PTPRK: variants seen among roughly 807,000 people sequenced by gnomAD.
The protein encoded by PTPRK is protein tyrosine phosphatase receptor type K, also known as receptor-type tyrosine-protein phosphatase kappa.
Under a neutral mutation model 178.0 loss-of-function variants are expected in PTPRK, and 75 were observed. The observed-to-expected ratio is 0.42, with a 90% confidence interval of 0.35 to 0.51. PTPRK has a LOEUF of 0.51. PTPRK is among the 20% of genes least tolerant of loss of function. The pLI is 0.02. For synonymous variants in PTPRK, 637 were observed against 620.6 expected (o/e 1.03, Z -0.39); for missense variants, 1,441 against 1,797.8 (o/e 0.80, Z 3.59).
intron 1 of PTPRK, among the ~76,000 whole-genome samples, chr6:128,445,720 A>G (rs1846922576): frequency 6.6e-6 from 1 of 152,072 alleles, no homozygotes; most frequent in Non-Finnish European, 1.5e-5. Flanking sequence ...ATGTATAGTG[A>G]TATTTACATT....
At chr6:128,113,665 TGGG>T (rs1372307205) in intron 7 of PTPRK, among the ~76,000 whole-genome samples, 1 of 152,020 alleles carries the variant, frequency 6.6e-6, no homozygotes, top group African/African-American at 2.4e-5. Flanking sequence ...TTGTGATCCA[TGGG>T]GGTCCCAGAA....
chr6:128,163,300 AAT>A (rs1798943563), intron 7 of PTPRK, among the ~76,000 whole-genome samples: 1 of 151,060 alleles, frequency 6.6e-6, no homozygotes, highest in East Asian at 1.9e-4. Flanking sequence ...AATAATAAAT[AAT>A]ATGTTAGAAA....
At chr6:128,104,692 T>C (rs1789392512) in intron 7 of PTPRK, among the ~76,000 whole-genome samples, 1 of 152,204 alleles carries the variant, frequency 6.6e-6, no homozygotes, top group Non-Finnish European at 1.5e-5. Flanking sequence ...AAGGTTACTC[T>C]TCGGTAACAG....
At chr6:128,382,709 G>A (rs897971491) in intron 2 of PTPRK, among the ~76,000 whole-genome samples, 8 of 152,146 alleles carry the variant, frequency 5.3e-5, no homozygotes, top group African/African-American at 1.4e-4. Context: ...CAAAGTGCTG[G>A]AATTACAGGT....
intron 13 of PTPRK, among the ~76,000 whole-genome samples, chr6:128,055,652 C>G (rs1014550995): frequency 1.3e-5 from 2 of 151,982 alleles, no homozygotes; most frequent in African/African-American, 2.4e-5. Flanking sequence ...CAAGCTGGAG[C>G]GCAGTGGAGT....
At chr6:128,506,824 T>C (rs1312573147) in intron 1 of PTPRK, among the ~76,000 whole-genome samples, 3 of 152,100 alleles carry the variant, frequency 2.0e-5, no homozygotes, top group Non-Finnish European at 4.4e-5. Context: ...TCAGGCATCC[T>C]ATTATTTATT....
chr6:128,086,624 T>A (rs1441852744), intron 8 of PTPRK, among the ~76,000 whole-genome samples: 5 of 152,140 alleles, frequency 3.3e-5, no homozygotes, highest in Non-Finnish European at 5.9e-5. Context: ...CTTAATCAGA[T>A]CATCATAATC....
chr6:128,266,425 A>G (rs1230550226), intron 3 of PTPRK, among the ~76,000 whole-genome samples: 4 of 152,120 alleles, frequency 2.6e-5, no homozygotes, highest in African/African-American at 9.7e-5. Context: ...CAACGTGGAA[A>G]AAGTCTGAAA....
chr6:128,064,288 A>G (rs1280957751), intron 13 of PTPRK, among the ~76,000 whole-genome samples: 1 of 152,200 alleles, frequency 6.6e-6, no homozygotes, highest in African/African-American at 2.4e-5. Context: ...AGTTTTAAAA[A>G]AAGTAAATGA....
At chr6:128,462,725 G>A (rs769455672) in intron 1 of PTPRK, among the ~76,000 whole-genome samples, 2 of 151,318 alleles carry the variant, frequency 1.3e-5, no homozygotes, top group African/African-American at 4.9e-5. Context: ...GCATGATCTC[G>A]GCTCACTGCA....
chr6:128,251,648 G>T (rs1816473672), intron 3 of PTPRK, among the ~76,000 whole-genome samples: 1 of 152,118 alleles, frequency 6.6e-6, no homozygotes, highest in Admixed American at 6.5e-5. Context: ...TACAGTATAG[G>T]TTTAAATATT....
chr6:128,016,827 G>A (rs1779644987), intron 13 of PTPRK, among the ~76,000 whole-genome samples: 1 of 136,358 alleles, frequency 7.3e-6, no homozygotes, highest in Non-Finnish European at 1.6e-5. Context: ...AGTTACCTGT[G>A]CATAACTTTT....
intron 7 of PTPRK, among the ~76,000 whole-genome samples, chr6:128,163,632 C>T (rs181823290): frequency 4.6e-5 from 7 of 151,334 alleles, no homozygotes; most frequent in Admixed American, 3.3e-4. Context: ...AAGCTTAGTC[C>T]GTTTGTGAGA....
At chr6:128,236,626 C>T (rs1005960075) in intron 5 of PTPRK, among the ~76,000 whole-genome samples, 22 of 152,016 alleles carry the variant, frequency 1.4e-4, no homozygotes, top group Admixed American at 8.5e-4. Context: ...GGATTACAGG[C>T]GTGAGCCACT....
intron 2 of PTPRK, among the ~76,000 whole-genome samples, chr6:128,326,527 G>A (rs1452743435): frequency 6.6e-6 from 1 of 151,914 alleles, no homozygotes; most frequent in Non-Finnish European, 1.5e-5. Context: ...CAGTCATTAA[G>A]AATAATATTA....
chr6:128,052,976 T>C (rs1779280272), intron 13 of PTPRK, among the ~76,000 whole-genome samples: 1 of 152,136 alleles, frequency 6.6e-6, no homozygotes, highest in South Asian at 2.1e-4. Context: ...ATAATAATAA[T>C]CTAGTTTCAT....
In PTPRK at chr6:128,149,725, T is replaced by C. The variant is rs141748137; in HGVS notation, c.1162+34707A>G. On this transcript the variant is annotated intron_variant, in intron 7 of 29. Coordinates refer to ENST00000368226, the MANE Select transcript of PTPRK (RefSeq NM_002844.4). ...CAATAAATGGAAGCTGTATATAATG[T>C]TTGTAATATAACTTTCTATTTTGAT... Among the ~76,000 whole-genome samples the C allele has an allele frequency of 5.0e-4, 76 of 152,270 alleles. 1 individual carries two copies. The highest frequency in any genetic ancestry group is 7.4e-4 in the Non-Finnish European group (50 of 68,004).
At chr6:128,253,212 C>A (rs1816768383) in intron 3 of PTPRK, among the ~76,000 whole-genome samples, 1 of 151,810 alleles carries the variant, frequency 6.6e-6, no homozygotes, top group African/African-American at 2.4e-5. Context: ...ATGAGTTTAG[C>A]AAAAAGAGAG....
At position 128,134,434 on chromosome 6, in the gene PTPRK, G is replaced by C. The variant is rs112098791; in HGVS notation, c.1163-44442C>G. Among the ~76,000 whole-genome samples, 715 of 152,280 alleles carry C rather than the reference G, an allele frequency of 4.7e-3. 8 individuals are homozygous for C. The highest frequency in any genetic ancestry group is 0.016 in the African/African-American group (675 of 41,560). On this transcript the variant is annotated intron_variant, in intron 7 of 29. Coordinates refer to ENST00000368226, the MANE Select transcript of PTPRK (RefSeq NM_002844.4). ...TCACCTGTGATAGTTTTATGCGTCA[G>C]CTTGGCTAGGCTATGGTGCCCAGGG...
Sources: gnomAD v4.1 joint callset for allele counts (sites outside exome capture counted in the v4.1 genomes callset) on GRCh38, gnomAD v4.1.1 for gene constraint, MANE v1.5 for transcripts, NCBI Gene and HGNC (gene_info 2026-07-23, HGNC 2026-07-21) for gene names.